Variants in B3GALT1 observed in about 807,000 individuals in gnomAD.
B3GALT1 encodes beta-1,3-galactosyltransferase 1.
Under a neutral mutation model 23.2 loss-of-function variants are expected in B3GALT1, and 10 were observed. The observed-to-expected ratio is 0.43, with a 90% CI of 0.27 to 0.73. The LOEUF (loss-of-function observed/expected upper bound fraction) is 0.73, where lower values mean the gene tolerates loss of function less well. B3GALT1 is among the 30% of genes least tolerant of loss of function. The pLI is 0.21. For synonymous variants in B3GALT1, 156 were observed against 141.5 expected, an observed-to-expected ratio of 1.10 and a Z score of -0.73; for missense variants, 299 against 405.4, an observed-to-expected ratio of 0.74 and a Z score of 2.25.
intron 1 of B3GALT1, among the ~76,000 whole-genome samples, chr2:167,442,253 C>T (rs1698906886): frequency 6.6e-6 from 1 of 152,028 alleles, no homozygotes; most frequent in African/African-American, 2.4e-5. Flanking sequence ...GTATATGTGC[C>T]ACATTTTCTT....
intron 2 of B3GALT1, among the ~76,000 whole-genome samples, chr2:167,504,677 A>G (rs1473798560): frequency 6.6e-6 from 1 of 152,218 alleles, no homozygotes; most frequent in Non-Finnish European, 1.5e-5. Context: ...ATAGCTGTAT[A>G]TATGATGGTG....
chr2:167,637,128 G>T (rs1158344690), intron 2 of B3GALT1, among the ~76,000 whole-genome samples: 1 of 151,884 alleles, frequency 6.6e-6, no homozygotes, highest in Non-Finnish European at 1.5e-5. Context: ...AATATGTATG[G>T]GGAGCAAATT....
At chr2:167,538,794 T>C (rs1683476170) in intron 2 of B3GALT1, among the ~76,000 whole-genome samples, 2 of 152,222 alleles carry the variant, frequency 1.3e-5, no homozygotes, top group Non-Finnish European at 2.9e-5. Context: ...AGATTTTTAG[T>C]AGAAGATTCT....
intron 2 of B3GALT1, among the ~76,000 whole-genome samples, chr2:167,622,918 C>T (rs1685283613): frequency 6.6e-6 from 1 of 151,888 alleles, no homozygotes; most frequent in Non-Finnish European, 1.5e-5. Flanking sequence ...GGAGTGTGAA[C>T]TGTAATCGTG....
intron 3 of B3GALT1, among the ~76,000 whole-genome samples, chr2:167,806,936 G>A (rs1688768638): frequency 1.3e-5 from 2 of 152,090 alleles, no homozygotes; most frequent in South Asian, 4.2e-4. Flanking sequence ...CTGTGAATCA[G>A]TCTGGTCCTG....
chr2:167,775,444 CT>C (rs1295450489), intron 3 of B3GALT1, among the ~76,000 whole-genome samples: 1 of 151,842 alleles, frequency 6.6e-6, no homozygotes, highest in African/African-American at 2.4e-5. Context: ...TGGCGCGTGC[CT>C]GTAGTCCCAG....
chr2:167,587,936 T>A (rs1684609340), intron 2 of B3GALT1, among the ~76,000 whole-genome samples: 1 of 152,252 alleles, frequency 6.6e-6, no homozygotes, highest in South Asian at 2.1e-4. Context: ...GTTCCGTAGC[T>A]TGTGGAGACA....
At chr2:167,679,122 G>GTTTTTGT (rs1553478339) in intron 3 of B3GALT1, among the ~76,000 whole-genome samples, 1 of 145,038 alleles carries the variant, frequency 6.9e-6, no homozygotes, top group African/African-American at 2.5e-5. Flanking sequence ...TTTTGTTTTT[G>GTTTTTGT]TTTTTTTTTT....
chr2:167,781,111 T>C (rs1195218190), intron 3 of B3GALT1, among the ~76,000 whole-genome samples: 3 of 152,230 alleles, frequency 2.0e-5, no homozygotes, highest in African/African-American at 4.8e-5. Flanking sequence ...TAAAGTTATA[T>C]GCAAAATTTC....
At chr2:167,624,756 T>C (rs1429972892) in intron 2 of B3GALT1, among the ~76,000 whole-genome samples, 1 of 152,076 alleles carries the variant, frequency 6.6e-6, no homozygotes, top group African/African-American at 2.4e-5. Context: ...TCTTTTAGTT[T>C]ATTTGTTCTT....
At chr2:167,448,240 G>A (rs1314244417) in intron 1 of B3GALT1, among the ~76,000 whole-genome samples, 2 of 152,092 alleles carry the variant, frequency 1.3e-5, no homozygotes, top group African/African-American at 4.8e-5. Flanking sequence ...ATTCCTACCA[G>A]CAGTGGAAAA....
At chr2:167,648,172 ATG>A (rs1685781441) in intron 3 of B3GALT1, among the ~76,000 whole-genome samples, 1 of 152,096 alleles carries the variant, frequency 6.6e-6, no homozygotes, top group African/African-American at 2.4e-5. Flanking sequence ...TCTCCCTATT[ATG>A]ATATCTCAAA....
At chr2:167,562,698 G>A (rs1225808337) in intron 2 of B3GALT1, among the ~76,000 whole-genome samples, 2 of 151,372 alleles carry the variant, frequency 1.3e-5, no homozygotes, top group African/African-American at 4.9e-5. Flanking sequence ...TCTCGCAGAG[G>A]GGGATTTGGC....
At chr2:167,736,737 A>G (rs1490257515) in intron 3 of B3GALT1, among the ~76,000 whole-genome samples, 1 of 152,158 alleles carries the variant, frequency 6.6e-6, no homozygotes, top group Non-Finnish European at 1.5e-5. Context: ...CCCTGTTTCT[A>G]CTAAAAAAAA....
chr2:167,752,207 G>A (rs1687748693), intron 3 of B3GALT1, among the ~76,000 whole-genome samples: 2 of 152,066 alleles, frequency 1.3e-5, no homozygotes, highest in South Asian at 4.1e-4. Flanking sequence ...TAGCTATTAT[G>A]CACAGTAGAC....
At chr2:167,767,473 T>C (rs1455766117) in intron 3 of B3GALT1, among the ~76,000 whole-genome samples, 3 of 152,216 alleles carry the variant, frequency 2.0e-5, no homozygotes, top group African/African-American at 4.8e-5. Flanking sequence ...GTTTCTCTGA[T>C]TGGGGCTCTT....
chr2:167,369,854 CA>C (rs1458526517), intron 1 of B3GALT1, among the ~76,000 whole-genome samples: 2 of 152,248 alleles, frequency 1.3e-5, no homozygotes, highest in East Asian at 3.9e-4. Flanking sequence ...AAGTAAAATT[CA>C]GCACAGTGCA....
chr2:167,429,568 T>A (rs1362534633), intron 1 of B3GALT1, among the ~76,000 whole-genome samples: 3 of 150,284 alleles, frequency 2.0e-5, no homozygotes, highest in East Asian at 2.0e-4. Context: ...ATAGTGAAAA[T>A]TTTTTTTTAT....
rs185433364 is a variant in B3GALT1, at chr2:167,518,630, A to G, written c.-410+28353A>G. ...TCTTACAAAGTTTTATCTCTGTTCG[A>G]AAGATGGGCGTCTATTCAGATGCAA... is the stretch of plus-strand genomic sequence containing the variant. On this transcript the variant is annotated intron_variant, in intron 2 of 4. Transcript: ENST00000392690. Among the ~76,000 whole-genome samples, 12 of 152,292 alleles carry G rather than the reference A, an allele frequency of 7.9e-5. No individual in the cohort carries two copies. In the East Asian group the frequency reaches 2.1e-3, roughly 27 times the overall value.
Sources: gnomAD v4.1 joint callset for allele counts (sites outside exome capture counted in the v4.1 genomes callset) on GRCh38, gnomAD v4.1.1 for gene constraint, MANE v1.5 for transcripts, NCBI Gene and HGNC (gene_info 2026-07-23, HGNC 2026-07-21) for gene names.